ZBTB7B: variants seen among roughly 807,000 people sequenced by gnomAD.
ZBTB7B encodes zinc finger and BTB domain-containing protein 7B.
A neutral mutation model predicts 31.0 loss-of-function variants in ZBTB7B; 8 were observed. The observed-to-expected ratio is 0.26, with a 90% CI of 0.15 to 0.47. The LOEUF (loss-of-function observed/expected upper bound fraction) is 0.47. ZBTB7B is among the 20% of genes least tolerant of loss of function. The pLI is 0.99. For missense variants in ZBTB7B, 494 were observed against 742.4 expected, an observed-to-expected ratio of 0.67 and a Z score of 3.89; for synonymous variants, 261 against 307.3, an observed-to-expected ratio of 0.85 and a Z score of 1.58.
chr1:155,007,453 G>A (rs1359976992), intron 1 of ZBTB7B, among the ~76,000 whole-genome samples: 2 of 152,222 alleles, frequency 1.3e-5, no homozygotes, highest in East Asian at 3.9e-4. Flanking sequence ...TTGGGCAGGG[G>A]GAATGCCGGG....
chr1:155,011,607 A>C (rs1345109128), intron 1 of ZBTB7B, among the ~76,000 whole-genome samples: 2 of 152,120 alleles, frequency 1.3e-5, no homozygotes, highest in Non-Finnish European at 2.9e-5. Flanking sequence ...TCTTCCCCCT[A>C]CCAGGCAAAC....
intron 1 of ZBTB7B, among the ~76,000 whole-genome samples, chr1:155,011,833 CAGAA>C (rs1230893757): frequency 1.3e-5 from 2 of 152,192 alleles, no homozygotes; most frequent in East Asian, 1.9e-4. Context: ...CCTGCCCTGG[CAGAA>C]AGAAGGGGGA....
intron 1 of ZBTB7B, among the ~76,000 whole-genome samples, chr1:155,008,825 G>T (rs551718696): frequency 2.0e-5 from 3 of 152,086 alleles, no homozygotes; most frequent in Non-Finnish European, 4.4e-5. Flanking sequence ...AAGGCTGTAG[G>T]GGGGAGGGGC....
intron 1 of ZBTB7B, chr1:155,014,300 T>G: frequency 4.7e-6 from 1 of 214,526 alleles, no homozygotes; most frequent in African/African-American, 2.3e-5. Context: ...ATGGGGCAGG[T>G]GACATAGATG....
rs2102319455 is a variant in ZBTB7B, at chr1:155,016,794, GGCATCA to G, written c.*118_*123del. The G allele has an allele frequency of 1.5e-6, 1 of 666,094 alleles. No individual in the cohort carries two copies. The highest frequency in any genetic ancestry group is 1.8e-5 in the African/African-American group (1 of 55,088). 41.3% of individuals were successfully genotyped at this position (666,094 alleles called of 1,614,324 possible). A position where few individuals can be genotyped will look rare whatever the true frequency, so the allele number is the denominator to read the frequency against. On this transcript the variant is annotated 3_prime_UTR_variant, in exon 3 of 3. Coordinates refer to ENST00000535420, the MANE Select transcript of ZBTB7B (RefSeq NM_001256455.2). This position sits in a 1 kb window ranked among gnomAD's most constrained non-coding sequence, Gnocchi z 4.3. ...GGGGTCTGGGGCACGGAGCCTTGCT[GGCATCA>G]GCATCAGCCCTTCCTCCCAGAGCCC...
At position 155,016,146 on chromosome 1, in the gene ZBTB7B, A is replaced by T. The variant is rs1659389562; in HGVS notation, c.1155-74A>T. On this transcript the variant is annotated intron_variant, in intron 2 of 2. Transcript: ENST00000535420. This position sits in a 1 kb window ranked among gnomAD's most constrained non-coding sequence, Gnocchi z 4.3. ...TGAGGAACAGGGATGGGACAAGGCC[A>T]GGGTGGGATGACCAGGAGGAGCCAG... 1 of 1,496,724 alleles carries T rather than the reference A, an allele frequency of 6.7e-7. No homozygotes were observed. The highest frequency in any genetic ancestry group is 9.2e-7 in the Non-Finnish European group (1 of 1,091,526). The allele number at this position is 1,496,724 out of a possible 1,614,324, so 92.7% of individuals were successfully genotyped here. A position where few individuals can be genotyped will look rare whatever the true frequency, so the allele number is the denominator to read the frequency against.
intron 1 of ZBTB7B, chr1:155,010,948 C>A: frequency 1.3e-6 from 2 of 1,535,892 alleles, no homozygotes; most frequent in Middle Eastern, 1.7e-4. Flanking sequence ...CATCCTCCCT[C>A]ACCCCAAGCT....
In ZBTB7B at chr1:155,004,736, C is replaced by T. The variant is rs1658455347; in HGVS notation, c.-7+1793C>T. On this transcript the variant is annotated intron_variant, in intron 1 of 2. Transcript: ENST00000535420. The surrounding 1 kb of genome is among the most constrained non-coding windows in gnomAD (Gnocchi z 4.0). ...CAAGGAGAAATCTCTGTCAGTGCCT[C>T]TGTCCCTGGCCCCAGGGACCCCAGC... 6.6e-6 allele frequency among the ~76,000 whole-genome samples: 1 copy of T among 152,096 alleles called. No homozygotes were observed. The highest frequency in any genetic ancestry group is 6.5e-5 in the Admixed American group (1 of 15,276).
At position 155,016,528 on chromosome 1, in the gene ZBTB7B, A is replaced by G. The variant is rs750458229; in HGVS notation, c.1463A>G (p.Asn488Ser). 2 of 1,613,926 alleles carry G rather than the reference A, an allele frequency of 1.2e-6. No individual in the cohort carries two copies. The highest frequency in any genetic ancestry group is 8.5e-7 in the Non-Finnish European group (1 of 1,179,904). ...TCCCCCGCTGGCCTCGACCTCTCCA[A>G]TGGCCACCTGGACACCTTCCGCCTC... is the stretch of plus-strand genomic sequence containing the variant. The part of the protein sequence containing the change: ...AASPAGLDLS[N>S]GHLDTFRLSL... Residue 488 changes from asparagine (N) to serine (S), a missense_variant, in exon 3 of 3, where the codon AAT becomes AGT. This residue lies in a region of ZBTB7B where 101 missense variants were observed against 119.5 expected (regional missense o/e 0.85). Transcript: ENST00000535420. The surrounding 1 kb of genome is among the most constrained non-coding windows in gnomAD (Gnocchi z 4.3).
rs1659500115 is a variant in ZBTB7B at position 155,017,329 on chromosome 1, G to C, written c.*644G>C. 1 of 118,584 alleles carries C rather than the reference G, an allele frequency of 8.4e-6. No homozygotes were observed. Among genetic ancestry groups the C allele is most frequent in the African/African-American group, 3.0e-5 (1 of 33,794 alleles). 7.3% of individuals were successfully genotyped at this position (118,584 alleles called of 1,614,324 possible). ...CGTGGAGAAGGGGGCGGGGTGGCCT[G>C]ATTGGCTCGCCTGCCCCTGGGGGCA... On this transcript the variant is annotated 3_prime_UTR_variant, in exon 3 of 3. Coordinates refer to ENST00000535420, the MANE Select transcript of ZBTB7B (RefSeq NM_001256455.2).
At chr1:155,015,906 T>C (rs979446411) in intron 2 of ZBTB7B, 92 bp downstream of exon 2, 7 of 1,483,870 alleles carry the variant, frequency 4.7e-6, no homozygotes, top group East Asian at 2.3e-5. Flanking sequence ...CCCGAGGTGG[T>C]GGTAGGTGGT....
chr1:155,009,676 T>C (rs1478983253), intron 1 of ZBTB7B, among the ~76,000 whole-genome samples: 2 of 151,994 alleles, frequency 1.3e-5, no homozygotes, highest in African/African-American at 4.8e-5. Flanking sequence ...TCCCAAATTG[T>C]GGTCCCCTGC....
At chr1:155,010,084 G>T (rs1658847385) in intron 1 of ZBTB7B, among the ~76,000 whole-genome samples, 1 of 152,128 alleles carries the variant, frequency 6.6e-6, no homozygotes, top group Non-Finnish European at 1.5e-5. Flanking sequence ...GCTGGATGAT[G>T]GCAGGGAATA....
At chr1:155,005,906 G>A (rs1384954469) in intron 1 of ZBTB7B, among the ~76,000 whole-genome samples, 2 of 152,218 alleles carry the variant, frequency 1.3e-5, no homozygotes, top group South Asian at 2.1e-4. Flanking sequence ...GGGCCCGGGG[G>A]ACTGGGAGGA....
chr1:155,010,634 A>G (rs1443021699), intron 1 of ZBTB7B, among the ~76,000 whole-genome samples: 1 of 152,102 alleles, frequency 6.6e-6, no homozygotes, highest in Non-Finnish European at 1.5e-5. Flanking sequence ...CCTGGGCCCC[A>G]GAGGCCCTGG....
At chr1:155,013,359 C>T (rs1659130059) in intron 1 of ZBTB7B, among the ~76,000 whole-genome samples, 1 of 152,218 alleles carries the variant, frequency 6.6e-6, no homozygotes, top group African/African-American at 2.4e-5. Flanking sequence ...CCAGTTGCTC[C>T]AGACCCACAA....
At position 155,016,696 on chromosome 1, in the gene ZBTB7B, G is replaced by A. The variant is rs1421046409; in HGVS notation, c.*11G>A. 1 of 1,437,988 alleles carries A rather than the reference G, an allele frequency of 7.0e-7. No individual in the cohort carries two copies. The highest frequency in any genetic ancestry group is 2.4e-5 in the East Asian group (1 of 42,520). 89.1% of individuals were successfully genotyped at this position (1,437,988 alleles called of 1,614,324 possible). A position where few individuals can be genotyped will look rare whatever the true frequency, so the allele number is the denominator to read the frequency against. On this transcript the variant is annotated 3_prime_UTR_variant, in exon 3 of 3. Coordinates refer to ENST00000535420, the MANE Select transcript of ZBTB7B (RefSeq NM_001256455.2). The surrounding 1 kb of genome is among the most constrained non-coding windows in gnomAD (Gnocchi z 4.3). ...ATGGAGTCCTCTTAAAGAGGGACGA[G>A]GGCCAGACTGAAGCAGCACAAGGCC...
intron 1 of ZBTB7B, among the ~76,000 whole-genome samples, chr1:155,013,326 C>A (rs1217646275): frequency 2.6e-5 from 4 of 152,220 alleles, no homozygotes; most frequent in Non-Finnish European, 5.9e-5. Context: ...GAGCCCAGTT[C>A]TTTCCAAGCC....
Position 155,015,450 on chromosome 1 carries a change from C to A in ZBTB7B, c.790C>A (p.Pro264Thr). ...CCCTCCCACAGGAACTGCCTCCCCT[C>A]CTGAGGGTCCCCAGAGCTACGAACC... ...YSPPTGTASPPEGPQSYEPYE... is the reference protein window; with the variant it reads ...YSPPTGTASPTEGPQSYEPYE... Residue 264 changes from proline to threonine, a missense_variant, in exon 2 of 3, where the codon CCT becomes ACT. Physicochemically the swap from Pro to Thr is conservative, Grantham distance 38 (BLOSUM62 -1). Around this residue, in one of 5 missense-constraint regions of ZBTB7B, gnomAD observed 216 missense variants for 229.3 expected, o/e 0.94. Coordinates refer to ENST00000535420, the MANE Select transcript of ZBTB7B (RefSeq NM_001256455.2). The A allele has an allele frequency of 6.3e-7, 1 of 1,586,106 alleles. No individual in the cohort carries two copies.
Sources: allele counts gnomAD v4.1 joint callset (sites outside exome capture counted in the v4.1 genomes callset), GRCh38; gene constraint gnomAD v4.1.1; regional missense constraint gnomAD v4.1.1; non-coding constraint Gnocchi (gnomAD v3.1); transcripts MANE v1.5; gene names NCBI Gene and HGNC (gene_info 2026-07-23, HGNC 2026-07-21).